SUCO: variants seen among roughly 807,000 people sequenced by gnomAD.
SUCO encodes SUN domain containing ossification factor.
In SUCO, 57 loss-of-function variants were observed where a neutral mutation model predicts 148.1. The observed-to-expected ratio is 0.38, with a 90% CI of 0.31 to 0.48. The LOEUF is 0.48. Ranked by LOEUF, SUCO falls within the 20% of genes least tolerant of loss-of-function variation. The pLI is 0.96. For synonymous variants in SUCO, 470 were observed against 502.7 expected (o/e 0.93, Z 0.87); for missense variants, 1,331 against 1,468.2 (o/e 0.91, Z 1.53).
At chr1:172,573,080 G>A (rs1028765319) in intron 9 of SUCO, among the ~76,000 whole-genome samples, 7 of 152,172 alleles carry the variant, frequency 4.6e-5, no homozygotes, top group Non-Finnish European at 1.0e-4. Flanking sequence ...TAAATTGCAT[G>A]TATAATAAAC....
At chr1:172,580,769 C>T (rs1280475417) in intron 15 of SUCO, among the ~76,000 whole-genome samples, 1 of 152,110 alleles carries the variant, frequency 6.6e-6, no homozygotes, top group South Asian at 2.1e-4. Context: ...GATTTTCTTG[C>T]TATATCTTCC....
rs1358938444 is a variant in SUCO, at chr1:172,554,380, G to A, written c.288+1010G>A. On this transcript the variant is annotated intron_variant, in intron 3 of 23. Coordinates refer to ENST00000263688, the MANE Select transcript of SUCO (RefSeq NM_014283.5). The stretch of plus-strand genomic sequence containing the variant: ...TTGTATACCTATGTTGTTCATTACA[G>A]TAGCCACTAGCCACATGTGGCCATT... Among the ~76,000 whole-genome samples, 5 of 152,276 alleles carry A rather than the reference G, an allele frequency of 3.3e-5. No individual in the cohort carries two copies. In the East Asian group the frequency reaches 7.7e-4, roughly 23 times the overall value.
rs1658188939 is a variant in SUCO at position 172,611,160 on chromosome 1, A to G, written c.*901A>G. ...TTGGCCAATTAGTACAAGTCTCATG[A>G]TATAATCACTGCCTGCATACATATG... On this transcript the variant is annotated 3_prime_UTR_variant, in exon 24 of 24. Transcript: ENST00000263688. 6.6e-6 allele frequency: 1 copy of G among 152,640 alleles called. No homozygotes were observed. The highest frequency in any genetic ancestry group is 6.5e-5 in the Admixed American group (1 of 15,278). 9.5% of individuals were successfully genotyped at this position (152,640 alleles called of 1,614,324 possible).
chr1:172,555,893 C>T lies in SUCO; in HGVS notation c.313C>T (p.Pro105Ser). ...VQNTESKKLS[P>S]PVVETLPTVD... The stretch of plus-strand genomic sequence containing the variant: ...GAATACAGAGTCAAAAAAGTTAAGT[C>T]CACCGGTGGTGGAGACACTCCCTAC... Residue 105 changes from proline to serine, a missense_variant, in exon 4 of 24, where the codon CCA becomes TCA. Physicochemically the swap from Pro to Ser is moderately conservative, Grantham distance 74 (BLOSUM62 -1). Around this residue, in one of 3 missense-constraint regions of SUCO, gnomAD observed 992 missense variants for 1,093.5 expected, o/e 0.91. Coordinates refer to ENST00000263688, the MANE Select transcript of SUCO (RefSeq NM_014283.5). The T allele has an allele frequency of 6.2e-7, 1 of 1,611,658 alleles. No individual in the cohort carries two copies. Among genetic ancestry groups the T allele is most frequent in the Non-Finnish European group, 8.5e-7 (1 of 1,178,660 alleles).
intron 17 of SUCO, chr1:172,588,478 C>T: frequency 1.0e-6 from 1 of 985,104 alleles, no homozygotes; most frequent in Non-Finnish European, 1.2e-6. Context: ...CACTTAGAAA[C>T]AATTCTTAAA....
At chr1:172,557,469 G>A (rs963599700) in intron 5 of SUCO, 52 bp downstream of exon 5, 1 of 1,605,260 alleles carries the variant, frequency 6.2e-7, no homozygotes, top group African/African-American at 1.3e-5. Context: ...TAACAGCAGT[G>A]TCCTGTTTGA....
chr1:172,576,587 A>G (rs576711344), intron 11 of SUCO, among the ~76,000 whole-genome samples: 1 of 151,828 alleles, frequency 6.6e-6, no homozygotes, highest in East Asian at 1.9e-4. Context: ...TTAATTTTTT[A>G]TACAGTACAC....
intron 19 of SUCO, among the ~76,000 whole-genome samples, chr1:172,595,093 C>A (rs1656996195): frequency 6.6e-6 from 1 of 152,166 alleles, no homozygotes; most frequent in Non-Finnish European, 1.5e-5. Context: ...TTATCAGAGA[C>A]TACGATTGTA....
chr1:172,593,423 G>T (rs1203162351), intron 19 of SUCO, among the ~76,000 whole-genome samples: 2 of 152,132 alleles, frequency 1.3e-5, no homozygotes, highest in East Asian at 3.9e-4. Context: ...GTCATAAATA[G>T]CTCTTATTAT....
intron 17 of SUCO, 61 bp downstream of exon 17, chr1:172,586,009 A>G (rs751646600): frequency 2.8e-6 from 3 of 1,074,966 alleles, no homozygotes; most frequent in Non-Finnish European, 4.1e-6. Context: ...GTATATTAGT[A>G]TAAAAAAAGG....
intron 19 of SUCO, among the ~76,000 whole-genome samples, chr1:172,591,989 G>T (rs1163414230): frequency 6.6e-6 from 1 of 152,260 alleles, no homozygotes; most frequent in East Asian, 1.9e-4. Context: ...GTGTGAGATG[G>T]TATCTCATTG....
Position 172,610,949 on chromosome 1 carries a change from A to T in SUCO, c.*690A>T, listed in dbSNP as rs776470794. On this transcript the variant is annotated 3_prime_UTR_variant, in exon 24 of 24. Coordinates refer to ENST00000263688, the MANE Select transcript of SUCO (RefSeq NM_014283.5). ...CTTAGTTACTAACTCAATGAGGAAA[A>T]ATCCCTACAGGATCTTTTTTTGCAA... is the stretch of plus-strand genomic sequence containing the variant. 10 of 152,500 alleles carry T rather than the reference A, an allele frequency of 6.6e-5. No homozygotes were observed. Among genetic ancestry groups the T allele is most frequent in the Non-Finnish European group, 1.3e-4 (9 of 68,040 alleles). The allele number at this position is 152,500 out of a possible 1,614,324, so 9.4% of individuals were successfully genotyped here.
intron 22 of SUCO, among the ~76,000 whole-genome samples, chr1:172,603,472 T>C (rs1211970680): frequency 6.6e-6 from 1 of 152,044 alleles, no homozygotes; most frequent in Non-Finnish European, 1.5e-5. Context: ...TTTCAATTGA[T>C]TAAATTATTC....
intron 3 of SUCO, chr1:172,555,401 A>C: frequency 1.0e-6 from 1 of 985,410 alleles, no homozygotes; most frequent in African/African-American, 1.7e-5. Flanking sequence ...AGGTCATTCA[A>C]GACTGAAGGA....
At chr1:172,607,127 TAAATC>T (rs1416505375) in intron 22 of SUCO, among the ~76,000 whole-genome samples, 4 of 152,104 alleles carry the variant, frequency 2.6e-5, no homozygotes, top group African/African-American at 4.8e-5. Context: ...TTGTGTTTGA[TAAATC>T]TAATATCTTA....
intron 11 of SUCO, chr1:172,576,821 G>A (rs1655478611): frequency 1.3e-6 from 1 of 769,654 alleles, no homozygotes; most frequent in South Asian, 6.1e-5. Flanking sequence ...TTTACTTACA[G>A]CTCATGAAAA....
upstream of SUCO, chr1:172,532,803 T>G (rs574889878): frequency 1.2e-6 from 2 of 1,606,020 alleles, no homozygotes; most frequent in Non-Finnish European, 1.7e-6. Flanking sequence ...CGAAGGGCGG[T>G]CCACTGTAAG....
chr1:172,536,086 CTTGACAATAACACCTTTAA>C (rs1180661150), intron 1 of SUCO, among the ~76,000 whole-genome samples: 3 of 152,166 alleles, frequency 2.0e-5, no homozygotes, highest in Non-Finnish European at 4.4e-5. Context: ...ATGATGTTTA[CTTGACAATAACACCTTTAA>C]TCTTTATAAG....
Position 172,602,777 on chromosome 1 carries a change from T to C in SUCO, c.3255T>C (p.Thr1085=). 1 of 1,611,314 alleles carries C rather than the reference T, an allele frequency of 6.2e-7. No individual in the cohort carries two copies. The highest frequency in any genetic ancestry group is 2.2e-5 in the East Asian group (1 of 44,812). ...PLMRSKSLQL[T]GKEVDPNDLY... ...TGAGATCCAAGTCTCTACAGTTAACTGGCAAAGAAGGTAGATTTCTGTGGA... is the reference window on the plus strand; with the variant it reads ...TGAGATCCAAGTCTCTACAGTTAACCGGCAAAGAAGGTAGATTTCTGTGGA... Residue 1085 remains threonine (T), a synonymous_variant, in exon 22 of 24, where the codon ACT becomes ACC. Transcript: ENST00000263688.
Sources: allele counts gnomAD v4.1 joint callset (sites outside exome capture counted in the v4.1 genomes callset), GRCh38; gene constraint gnomAD v4.1.1; regional missense constraint gnomAD v4.1.1; transcripts MANE v1.5; gene names NCBI Gene and HGNC (gene_info 2026-07-23, HGNC 2026-07-21).